The following COL4A1 variants were observed in gnomAD, a reference collection of about 807,000 sequenced individuals.
COL4A1 encodes collagen alpha-1(IV) chain.
In COL4A1, 40 loss-of-function variants were observed where a neutral mutation model predicts 216.6. That is an observed-to-expected ratio of 0.18 (90% confidence interval 0.14 to 0.24). COL4A1 has a LOEUF of 0.24. COL4A1 is among the 10% of genes least tolerant of loss of function. COL4A1 has a pLI of 1.00. For missense variants in COL4A1, 1,628 were observed against 2,196.8 expected (o/e 0.74, Z 5.18); for synonymous variants, 839 against 810.7 (o/e 1.03, Z -0.59).
intron 1 of COL4A1, among the ~76,000 whole-genome samples, chr13:110,278,353 C>T (rs1420791797): frequency 6.6e-6 from 1 of 152,134 alleles, no homozygotes; most frequent in Non-Finnish European, 1.5e-5. Context: ...TTCTGCCTTC[C>T]TAGCCTTATC....
chr13:110,304,184 T>G lies in COL4A1; in HGVS notation c.84+2760A>C, dbSNP rs926340332. On this transcript the variant is annotated intron_variant, in intron 1 of 51. Transcript: ENST00000375820. ...GAGCTTGCAGATATAAGGAATAGCTTCACCAATATCACTCCTGAGATCCTG... is the reference window on the plus strand; with the variant it reads ...GAGCTTGCAGATATAAGGAATAGCTGCACCAATATCACTCCTGAGATCCTG... Among the ~76,000 whole-genome samples, 6 of 152,296 alleles carry G rather than the reference T, an allele frequency of 3.9e-5. No homozygotes were observed. In the South Asian group the frequency reaches 1.2e-3, roughly 32 times the overall value.
chr13:110,181,412 A>G lies in COL4A1; in HGVS notation c.2096-23T>C, dbSNP rs757792086. The G allele has an allele frequency of 8.8e-6, 14 of 1,587,184 alleles. No individual in the cohort carries two copies. The South Asian group carries it at 1.5e-4, about 16-fold the overall frequency. ...CACCTGTTTTAAAGAGTCAAAAAAAAAAAACAAACAAACAATCATTGCGAT... is the reference window on the plus strand; with the variant it reads ...CACCTGTTTTAAAGAGTCAAAAAAAGAAAACAAACAAACAATCATTGCGAT... On this transcript the variant is annotated intron_variant, in intron 28 of 51. Coordinates refer to ENST00000375820, the MANE Select transcript of COL4A1 (RefSeq NM_001845.6).
chr13:110,218,750 G>A (rs1039356833), intron 2 of COL4A1, among the ~76,000 whole-genome samples: 1 of 152,196 alleles, frequency 6.6e-6, no homozygotes, highest in Non-Finnish European at 1.5e-5. Flanking sequence ...CAGTGGCTGA[G>A]AGGTGCAGGG....
chr13:110,298,513 A>T (rs1010576546), intron 1 of COL4A1: 1 of 152,200 alleles, frequency 6.6e-6, no homozygotes, highest in African/African-American at 2.4e-5. Context: ...ATTTTCCCCC[A>T]TCACTGACCC....
At chr13:110,159,002 C>T (rs539101611) in intron 49 of COL4A1, among the ~76,000 whole-genome samples, 2 of 152,288 alleles carry the variant, frequency 1.3e-5, no homozygotes, top group East Asian at 1.9e-4. Flanking sequence ...CTTGGCCTCC[C>T]AAAGTGCTGG....
chr13:110,185,144 T>C (rs1305693209), intron 26 of COL4A1, among the ~76,000 whole-genome samples: 1 of 152,114 alleles, frequency 6.6e-6, no homozygotes, highest in African/African-American at 2.4e-5. Flanking sequence ...CTTTATTTAT[T>C]TATTTATTTA....
intron 1 of COL4A1, among the ~76,000 whole-genome samples, chr13:110,250,590 C>T (rs1882029522): frequency 6.6e-6 from 1 of 152,164 alleles, no homozygotes; most frequent in African/African-American, 2.4e-5. Flanking sequence ...ACTTCACCTC[C>T]AGGTCATTGG....
chr13:110,295,380 T>G (rs370696145), intron 1 of COL4A1, among the ~76,000 whole-genome samples: 1 of 151,304 alleles, frequency 6.6e-6, no homozygotes, highest in Non-Finnish European at 1.5e-5. Flanking sequence ...GAATGTCCCA[T>G]TAAACAACAG....
intron 1 of COL4A1, among the ~76,000 whole-genome samples, chr13:110,306,558 C>T (rs1221526043): frequency 6.6e-6 from 1 of 152,032 alleles, no homozygotes; most frequent in Non-Finnish European, 1.5e-5. Context: ...GGGGTGGGCG[C>T]TCCCGGCCCT....
chr13:110,276,137 T>C (rs1883419116), intron 1 of COL4A1, among the ~76,000 whole-genome samples: 1 of 151,972 alleles, frequency 6.6e-6, no homozygotes, highest in South Asian at 2.1e-4. Flanking sequence ...GTAGAGATCA[T>C]GGGAGAGGCC....
At chr13:110,288,073 G>T (rs1883911103) in intron 1 of COL4A1, among the ~76,000 whole-genome samples, 1 of 151,242 alleles carries the variant, frequency 6.6e-6, no homozygotes, top group Non-Finnish European at 1.5e-5. Flanking sequence ...TGACCAACAT[G>T]GTGAAACCCC....
At chr13:110,265,876 T>C (rs1410037597) in intron 1 of COL4A1, 1 of 152,134 alleles carries the variant, frequency 6.6e-6, no homozygotes, top group Non-Finnish European at 1.5e-5. Context: ...CACTGAACAC[T>C]AGACTCTAAG....
intron 41 of COL4A1, among the ~76,000 whole-genome samples, chr13:110,171,608 G>C (rs1294881734): frequency 6.6e-6 from 1 of 152,136 alleles, no homozygotes; most frequent in Non-Finnish European, 1.5e-5. Context: ...CAAAACAAAG[G>C]AAAAGGGAAT....
chr13:110,305,315 C>A (rs9521687), intron 1 of COL4A1, among the ~76,000 whole-genome samples: 27,897 of 152,186 alleles, frequency 0.18, 2,725 homozygotes, highest in Middle Eastern at 0.28. Flanking sequence ...TCATCTCCAA[C>A]TCAACATTAA....
Position 110,239,775 on chromosome 13 carries a change from A to C in COL4A1, c.144+2900T>G, listed in dbSNP as rs1416939313. ...TGAGGAAGATCCACTTCTTCTCTTG[A>C]CCTGCCAGCCTAGAGTACATTTCTT... On this transcript the variant is annotated intron_variant, in intron 2 of 51. Coordinates refer to ENST00000375820, the MANE Select transcript of COL4A1 (RefSeq NM_001845.6). 3.3e-5 allele frequency among the ~76,000 whole-genome samples: 5 copies of C among 152,130 alleles called. No individual in the cohort carries two copies. The East Asian group carries it at 7.7e-4, about 23-fold the overall frequency.
intron 1 of COL4A1, among the ~76,000 whole-genome samples, chr13:110,253,620 T>G (rs60777435): frequency 0.2 from 23,775 of 121,008 alleles, 2,576 homozygotes; most frequent in Non-Finnish European, 0.28. Flanking sequence ...TTACATATAC[T>G]TATAATTATA....
chr13:110,172,918 A>G, intron 40 of COL4A1, 148 bp from the exon 41 acceptor site: 2 of 728,688 alleles, frequency 2.7e-6, no homozygotes, highest in Admixed American at 2.0e-5. Flanking sequence ...TAATAAAATG[A>G]TATTCCTACA....
intron 36 of COL4A1, among the ~76,000 whole-genome samples, chr13:110,175,845 A>G (rs1240198517): frequency 2.0e-5 from 3 of 152,196 alleles, no homozygotes; most frequent in Admixed American, 2.0e-4. Flanking sequence ...AATTAAAGTG[A>G]TAACAGCACC....
rs1207440992 is a variant in COL4A1, at chr13:110,253,103, A to ATG, written c.85-10370_85-10369insCA. Among the ~76,000 whole-genome samples, 16 of 126,910 alleles carry ATG rather than the reference A, an allele frequency of 1.3e-4. 5 individuals are homozygous for ATG. Among genetic ancestry groups the ATG allele is most frequent in the Admixed American group, 1.0e-3 (12 of 11,704 alleles). 83.3% of individuals were successfully genotyped at this position (126,910 alleles called of 152,430 possible). A position where few individuals can be genotyped will look rare whatever the true frequency, so the allele number is the denominator to read the frequency against. On this transcript the variant is annotated intron_variant, in intron 1 of 51. Transcript: ENST00000375820. The stretch of plus-strand genomic sequence containing the variant: ...ATAAGTACGTATGTATTACATATAC[A>ATG]TATAACTATATGTACGTATGTATTA...
Sources: allele counts gnomAD v4.1 joint callset (sites outside exome capture counted in the v4.1 genomes callset), GRCh38; gene constraint gnomAD v4.1.1; transcripts MANE v1.5; gene names NCBI Gene and HGNC (gene_info 2026-07-23, HGNC 2026-07-21).